Variants in AGMO observed in about 807,000 individuals in gnomAD.
AGMO encodes alkylglycerol monooxygenase.
A neutral mutation model predicts 60.2 loss-of-function variants in AGMO; 75 were observed. That is an observed-to-expected ratio of 1.25 (90% CI 1.03 to 1.51). The LOEUF (loss-of-function observed/expected upper bound fraction) is 1.51. AGMO is among the 40% of genes most tolerant of loss of function. The pLI is 0.00. For missense variants in AGMO, 763 were observed against 525.5 expected (o/e 1.45, Z -4.42); for synonymous variants, 261 against 177.1 (o/e 1.47, Z -3.76).
chr7:15,551,929 G>C (rs895757050), intron 2 of AGMO, among the ~76,000 whole-genome samples: 5 of 151,340 alleles, frequency 3.3e-5, no homozygotes, highest in African/African-American at 1.2e-4. Flanking sequence ...ATACTACAAG[G>C]CTACAGTAAC....
chr7:15,359,315 G>C (rs1006848109), intron 12 of AGMO, among the ~76,000 whole-genome samples: 12 of 149,202 alleles, frequency 8.0e-5, no homozygotes, highest in African/African-American at 2.5e-4. Context: ...AAAGAAATTA[G>C]ATTTATTATT....
chr7:15,240,631 T>C (rs549160582), intron 12 of AGMO, among the ~76,000 whole-genome samples: 5 of 152,164 alleles, frequency 3.3e-5, no homozygotes, highest in Non-Finnish European at 7.4e-5. Context: ...CAAATACTTA[T>C]TTTGATAACT....
At chr7:15,486,539 A>C (rs1057511845) in intron 3 of AGMO, among the ~76,000 whole-genome samples, 3 of 152,182 alleles carry the variant, frequency 2.0e-5, no homozygotes, top group Non-Finnish European at 4.4e-5. Context: ...TAGATTTTGT[A>C]AAAAAGAAAA....
intron 12 of AGMO, among the ~76,000 whole-genome samples, chr7:15,328,561 G>T (rs1277199542): frequency 6.6e-6 from 1 of 152,152 alleles, no homozygotes; most frequent in Non-Finnish European, 1.5e-5. Context: ...TGTTGCTGAA[G>T]AATCTAACCA....
In AGMO at chr7:15,299,475, T is replaced by G. The variant is rs1279109028; in HGVS notation, c.1263+66039A>C. Among the ~76,000 whole-genome samples the G allele has an allele frequency of 4.6e-5, 7 of 152,150 alleles. No individual in the cohort carries two copies. The East Asian group carries it at 7.7e-4, about 17-fold the overall frequency. On this transcript the variant is annotated intron_variant, in intron 12 of 12. Transcript: ENST00000342526. ...AATCTATGAGTACTAAGGACTGATA[T>G]CCATTTCTCATGCGAGCATTCACTA...
the AGMO span, among the ~76,000 whole-genome samples, chr7:15,128,079 GT>G: frequency 2.0e-5 from 3 of 151,990 alleles, no homozygotes; most frequent in East Asian, 5.8e-4. Context: ...CCTCCTCTCT[GT>G]TTAGAGCATC....
intron 10 of AGMO, among the ~76,000 whole-genome samples, chr7:15,372,516 C>G (rs1783261083): frequency 6.6e-6 from 1 of 152,070 alleles, no homozygotes; most frequent in African/African-American, 2.4e-5. Flanking sequence ...TGAATATGTG[C>G]TGGGCACTAT....
rs1043548356 is a variant in AGMO at position 15,224,334 on chromosome 7, G to T, written c.1264-22975C>A. On this transcript the variant is annotated intron_variant, in intron 12 of 12. Transcript: ENST00000342526. The stretch of plus-strand genomic sequence containing the variant: ...ACCAAACTGATGGTATTATGAGGAG[G>T]TAATTAGGTCATGAGGGTAGAAAGC... 3.2e-4 allele frequency among the ~76,000 whole-genome samples: 48 copies of T among 151,994 alleles called. 1 individual carries two copies. Among genetic ancestry groups the T allele is most frequent in the Admixed American group, 2.8e-3 (43 of 15,194 alleles).
chr7:15,335,463 G>C (rs1160851865), intron 12 of AGMO, among the ~76,000 whole-genome samples: 1 of 152,008 alleles, frequency 6.6e-6, no homozygotes, highest in Non-Finnish European at 1.5e-5. Context: ...TTTTAGAAAG[G>C]TCGACAACTT....
intron 1 of AGMO, among the ~76,000 whole-genome samples, chr7:15,560,779 T>C (rs1304177649): frequency 1.3e-5 from 2 of 152,190 alleles, no homozygotes; most frequent in Non-Finnish European, 2.9e-5. Flanking sequence ...TTTTACATGT[T>C]TGCTTAAAAC....
intron 12 of AGMO, among the ~76,000 whole-genome samples, chr7:15,265,450 A>C (rs1175969177): frequency 1.3e-5 from 2 of 152,034 alleles, no homozygotes; most frequent in African/African-American, 4.8e-5. Flanking sequence ...CACTATTAAA[A>C]AAGAAAAAAG....
At chr7:15,409,092 C>T (rs1314605828) in intron 5 of AGMO, among the ~76,000 whole-genome samples, 2 of 151,748 alleles carry the variant, frequency 1.3e-5, no homozygotes, top group African/African-American at 2.4e-5. Context: ...AGTGGGAAGG[C>T]GCTACACAAA....
intron 10 of AGMO, among the ~76,000 whole-genome samples, chr7:15,384,083 C>T (rs190319244): frequency 9.5e-4 from 144 of 152,030 alleles, no homozygotes; most frequent in Admixed American, 3.2e-3. Context: ...CTACAGGGCC[C>T]GCCACCATGC....
chr7:15,287,198 A>G (rs117008231), intron 12 of AGMO, among the ~76,000 whole-genome samples: 9 of 152,252 alleles, frequency 5.9e-5, no homozygotes, highest in Middle Eastern at 3.4e-3. Flanking sequence ...GTAATCAAAA[A>G]CCATGTACAT....
intron 12 of AGMO, among the ~76,000 whole-genome samples, chr7:15,311,107 G>C (rs984085411): frequency 2.6e-5 from 4 of 151,982 alleles, no homozygotes; most frequent in Non-Finnish European, 5.9e-5. Context: ...GGACATATTT[G>C]GGGGACCGTT....
chr7:15,179,618 A>C, the AGMO span, among the ~76,000 whole-genome samples: 1 of 152,020 alleles, frequency 6.6e-6, no homozygotes, highest in African/African-American at 2.4e-5. Flanking sequence ...CTTGGGTTGA[A>C]GTTGCACACT....
chr7:15,253,586 T>A (rs1275154434), intron 12 of AGMO, among the ~76,000 whole-genome samples: 1 of 152,156 alleles, frequency 6.6e-6, no homozygotes, highest in Non-Finnish European at 1.5e-5. Flanking sequence ...ATAATGATTA[T>A]ACATATTTAG....
In AGMO at chr7:15,377,908, CCA is replaced by C. The variant is rs1201974347; in HGVS notation, c.1074+7536_1074+7537del. Among the ~76,000 whole-genome samples, 21 of 152,072 alleles carry C rather than the reference CCA, an allele frequency of 1.4e-4. No individual in the cohort carries two copies. The East Asian group carries it at 3.5e-3, about 25-fold the overall frequency. ...ACTGCCAAGCGTAATGTGGTTCATG[CCA>C]CAGTTATAAAAGCTTTGGTCCAAAA... On this transcript the variant is annotated intron_variant, in intron 10 of 12. Transcript: ENST00000342526.
chr7:15,378,056 T>A (rs779072210), intron 10 of AGMO, among the ~76,000 whole-genome samples: 12 of 152,070 alleles, frequency 7.9e-5, no homozygotes, highest in Non-Finnish European at 1.6e-4. Context: ...AGTAACTATA[T>A]GTCCAATCAT....
Sources: gnomAD v4.1 joint callset for allele counts (sites outside exome capture counted in the v4.1 genomes callset) on GRCh38, gnomAD v4.1.1 for gene constraint, MANE v1.5 for transcripts, NCBI Gene and HGNC (gene_info 2026-07-23, HGNC 2026-07-21) for gene names.